Variants in WDR64 observed in about 807,000 individuals in gnomAD.
The protein encoded by WDR64 is WD repeat domain 64, also known as WD repeat-containing protein 64.
In WDR64, 112 loss-of-function variants were observed where a neutral mutation model predicts 139.3. The ratio of observed to expected loss-of-function variants is 0.80; its 90% confidence interval spans 0.69 to 0.94. The LOEUF is 0.94. Among genes scored for constraint, WDR64 ranks in the 40% least tolerant of loss-of-function variants. The probability of loss-of-function intolerance (pLI) is 0.00; values close to 1 mark genes in which losing one functional copy is unlikely to be tolerated. For synonymous variants in WDR64, 444 were observed against 437.7 expected (o/e 1.01, Z -0.18); for missense variants, 1,206 against 1,293.1 (o/e 0.93, Z 1.03).
At chr1:241,760,827 G>A (rs1657832478) in intron 15 of WDR64, among the ~76,000 whole-genome samples, 1 of 134,512 alleles carries the variant, frequency 7.4e-6, no homozygotes, top group Non-Finnish European at 1.5e-5. Flanking sequence ...CTGCAGTGGC[G>A]CTATCCCGGC....
chr1:241,748,144 G>A (rs1669833827), intron 13 of WDR64, among the ~76,000 whole-genome samples: 1 of 152,168 alleles, frequency 6.6e-6, no homozygotes, highest in Non-Finnish European at 1.5e-5. Flanking sequence ...AGCCACTGAG[G>A]GAAGGGCAGC....
chr1:241,793,606 C>T (rs1170911068), intron 25 of WDR64, among the ~76,000 whole-genome samples: 1 of 152,158 alleles, frequency 6.6e-6, no homozygotes. Flanking sequence ...ACCTTTCTGT[C>T]CAAATGGAGC....
chr1:241,706,970 T>C (rs1667975703), intron 8 of WDR64, among the ~76,000 whole-genome samples: 1 of 152,176 alleles, frequency 6.6e-6, no homozygotes, highest in African/African-American at 2.4e-5. Flanking sequence ...TCTTTGCTTG[T>C]TGTGGTGAAC....
At chr1:241,710,258 A>G (rs1195698405) in intron 8 of WDR64, among the ~76,000 whole-genome samples, 2 of 151,740 alleles carry the variant, frequency 1.3e-5, no homozygotes, top group Non-Finnish European at 2.9e-5. Context: ...ACCCCATCTG[A>G]TCAATGGAAG....
At chr1:241,783,162 C>T in intron 22 of WDR64, 110 bp from the exon 23 acceptor site, 1 of 905,382 alleles carries the variant, frequency 1.1e-6, no homozygotes, top group East Asian at 2.6e-5. Flanking sequence ...GCACAGATGT[C>T]TACATCTTCC....
chr1:241,738,074 TAA>T (rs1212218068), intron 10 of WDR64, among the ~76,000 whole-genome samples: 12 of 152,174 alleles, frequency 7.9e-5, no homozygotes, highest in Admixed American at 7.9e-4. Context: ...TCCACATTCT[TAA>T]AGAGTAATAA....
chr1:241,740,559 A>G (rs904267992), intron 11 of WDR64, among the ~76,000 whole-genome samples: 3 of 152,230 alleles, frequency 2.0e-5, no homozygotes, highest in African/African-American at 4.8e-5. Flanking sequence ...GAGAAACTCA[A>G]TGCAAAATCT....
intron 21 of WDR64, among the ~76,000 whole-genome samples, chr1:241,777,265 T>A (rs1658687136): frequency 6.6e-6 from 1 of 151,742 alleles, no homozygotes; most frequent in South Asian, 2.1e-4. Flanking sequence ...TAGAGACAGG[T>A]CTTACTTCTT....
chr1:241,722,704 G>T (rs1668654858), intron 9 of WDR64, among the ~76,000 whole-genome samples: 1 of 152,120 alleles, frequency 6.6e-6, no homozygotes, highest in Non-Finnish European at 1.5e-5. Flanking sequence ...GGGAGTTAGA[G>T]ATTATGGAGG....
At chr1:241,735,847 CTCTCTCTCTG>C (rs1558498341) in intron 10 of WDR64, among the ~76,000 whole-genome samples, 7,506 of 101,382 alleles carry the variant, frequency 0.074, 166 homozygotes, top group South Asian at 0.15. Context: ...CTCTCTCTCT[CTCTCTCTCTG>C]TGTGTGTGTG....
Position 241,738,472 on chromosome 1 carries a change from A to G in WDR64, c.1304A>G (p.His435Arg), listed in dbSNP as rs537478456. The change falls in exon 11 of 28, where the codon CAT becomes CGT. Residue 435 changes from histidine (H) to arginine (R), a missense_variant. Physicochemically the swap from His to Arg is conservative, Grantham distance 29. Coordinates refer to ENST00000437684, the MANE Select transcript of WDR64 (RefSeq NM_001367482.1). ...TACTCTATGATATATGATGCCAATC[A>G]TGGCATGCTTATTACGGGTAAGTGT... Reference protein sequence around the residue: ...QIYSMIYDANHGMLITGSSVM... With the variant: ...QIYSMIYDANRGMLITGSSVM... The G allele has an allele frequency of 1.0e-4, 161 of 1,612,122 alleles. 2 individuals are homozygous for G. The South Asian group carries it at 1.7e-3, about 17-fold the overall frequency.
At chr1:241,690,184 A>G (rs897271220) in intron 8 of WDR64, among the ~76,000 whole-genome samples, 1 of 152,136 alleles carries the variant, frequency 6.6e-6, no homozygotes, top group African/African-American at 2.4e-5. Flanking sequence ...ACATAAAGAA[A>G]AAAACTGGCT....
At chr1:241,772,991 A>G in intron 20 of WDR64, 60 bp downstream of exon 20, 1 of 1,485,894 alleles carries the variant, frequency 6.7e-7, no homozygotes, top group Non-Finnish European at 9.0e-7. Context: ...AAGAATCATT[A>G]AATGAATCTT....
chr1:241,714,097 G>A (rs1294578576), intron 9 of WDR64, among the ~76,000 whole-genome samples: 1 of 152,160 alleles, frequency 6.6e-6, no homozygotes, highest in African/African-American at 2.4e-5. Context: ...TGATGTCAGG[G>A]CTCCCTAGGC....
At chr1:241,792,089 T>C (rs1236716893) in intron 25 of WDR64, among the ~76,000 whole-genome samples, 1 of 152,208 alleles carries the variant, frequency 6.6e-6, no homozygotes, top group Non-Finnish European at 1.5e-5. Flanking sequence ...CAACCTACAG[T>C]TACCCCACCC....
At chr1:241,771,053 G>A (rs1658408690) in intron 18 of WDR64, among the ~76,000 whole-genome samples, 1 of 152,150 alleles carries the variant, frequency 6.6e-6, no homozygotes, top group Non-Finnish European at 1.5e-5. Context: ...AAGTACATAT[G>A]TCACAGGGAG....
rs1667047758 is a variant in WDR64, at chr1:241,687,407, A to G, written c.840-54A>G. On this transcript the variant is annotated intron_variant, in intron 7 of 27. Coordinates refer to ENST00000437684, the MANE Select transcript of WDR64 (RefSeq NM_001367482.1). Reference sequence around the variant, plus strand: ...AAAGTAAATTGCTGAATAGAAACATATTATACGTTTGTGTGTCTAACATAA... The same window carrying G: ...AAAGTAAATTGCTGAATAGAAACATGTTATACGTTTGTGTGTCTAACATAA... 1.3e-5 allele frequency: 20 copies of G among 1,599,956 alleles called. 1 individual carries two copies. The South Asian group carries it at 2.1e-4, about 17-fold the overall frequency.
At position 241,652,337 on chromosome 1, in the gene WDR64, C is replaced by T. The variant is rs1254728717; in HGVS notation, c.-148C>T. 2.6e-6 allele frequency: 2 copies of T among 760,862 alleles called. No homozygotes were observed. Among genetic ancestry groups the T allele is most frequent in the Non-Finnish European group, 4.1e-6 (2 of 483,586 alleles). 47.1% of individuals were successfully genotyped at this position (760,862 alleles called of 1,614,324 possible). ...TCCTAGTGGCAACTCTTACTCCTAC[C>T]CGCACTATGGGATTTTAAGATCAAA... On this transcript the variant is annotated 5_prime_UTR_variant, in exon 1 of 28. Coordinates refer to ENST00000437684, the MANE Select transcript of WDR64 (RefSeq NM_001367482.1).
intron 2 of WDR64, among the ~76,000 whole-genome samples, chr1:241,662,476 C>T (rs532722810): frequency 2.0e-5 from 3 of 152,290 alleles, no homozygotes; most frequent in East Asian, 1.9e-4. Flanking sequence ...CAGCCCCCAC[C>T]GTGTGGCCCT....
Sources: allele counts gnomAD v4.1 joint callset (sites outside exome capture counted in the v4.1 genomes callset), GRCh38; gene constraint gnomAD v4.1.1; transcripts MANE v1.5; gene names NCBI Gene and HGNC (gene_info 2026-07-23, HGNC 2026-07-21).